The following NIM1K variants were observed in gnomAD, a reference collection of about 807,000 sequenced individuals.
NIM1K encodes the protein serine/threonine-protein kinase NIM1.
In NIM1K, 35 loss-of-function variants were observed where a neutral mutation model predicts 37.1. That is an observed-to-expected ratio of 0.94 (90% confidence interval 0.72 to 1.25). The LOEUF is 1.25. NIM1K is among the 50% of genes most tolerant of loss of function. The pLI, the probability that NIM1K is intolerant of heterozygous loss-of-function variation, is 0.00. For synonymous variants in NIM1K, 234 were observed against 206.6 expected, an observed-to-expected ratio of 1.13 and a Z score of -1.14; for missense variants, 564 against 548.0, an observed-to-expected ratio of 1.03 and a Z score of -0.29.
At chr5:43,258,638 C>T (rs1481530092) in intron 2 of NIM1K, among the ~76,000 whole-genome samples, 1 of 151,926 alleles carries the variant, frequency 6.6e-6, no homozygotes, top group Non-Finnish European at 1.5e-5. Flanking sequence ...ATATGGGGTC[C>T]TGCTATGTTG....
At chr5:43,215,608 A>G (rs1338940900) in intron 1 of NIM1K, among the ~76,000 whole-genome samples, 1 of 152,060 alleles carries the variant, frequency 6.6e-6, no homozygotes, top group Non-Finnish European at 1.5e-5. Flanking sequence ...TAATTTTTGT[A>G]TGTTTAGTAG....
At chr5:43,233,337 C>T (rs1752569850) in intron 1 of NIM1K, among the ~76,000 whole-genome samples, 1 of 151,090 alleles carries the variant, frequency 6.6e-6, no homozygotes, top group South Asian at 2.1e-4. Context: ...ACTTAACCTT[C>T]CTCTTGTCCC....
rs142460530 is a variant in NIM1K at position 43,205,358 on chromosome 5, T to A, written c.-695+12947T>A. Among the ~76,000 whole-genome samples the A allele has an allele frequency of 3.5e-3, 526 of 152,352 alleles. 3 individuals carry two copies. The highest frequency in any genetic ancestry group is 6.2e-3 in the Admixed American group (95 of 15,302). On this transcript the variant is annotated intron_variant, in intron 1 of 3. Transcript: ENST00000326035. ...TCACATAAGCATATGCAGCACAATGTCTGATGTACAGTAAGTGCTTAATAA... is the reference window on the plus strand; with the variant it reads ...TCACATAAGCATATGCAGCACAATGACTGATGTACAGTAAGTGCTTAATAA...
At chr5:43,247,140 C>T (rs1408318344) in intron 2 of NIM1K, among the ~76,000 whole-genome samples, 1 of 152,058 alleles carries the variant, frequency 6.6e-6, no homozygotes, top group African/African-American at 2.4e-5. Context: ...TGTTTGCATA[C>T]ATGTACCTCC....
chr5:43,240,833 G>T (rs1487858376), intron 1 of NIM1K, among the ~76,000 whole-genome samples: 4 of 151,730 alleles, frequency 2.6e-5, no homozygotes, highest in African/African-American at 9.7e-5. Flanking sequence ...CACCACAATC[G>T]GCCCTTTCTT....
chr5:43,213,197 C>T (rs908376079), intron 1 of NIM1K, among the ~76,000 whole-genome samples: 11 of 53,926 alleles, frequency 2.0e-4, no homozygotes, highest in African/African-American at 5.3e-4. Context: ...TTCTTTCTTT[C>T]TTTCTTTCTT....
chr5:43,263,345 T>G (rs1023953036), intron 2 of NIM1K, among the ~76,000 whole-genome samples: 1 of 152,204 alleles, frequency 6.6e-6, no homozygotes, highest in African/African-American at 2.4e-5. Flanking sequence ...TGGGAGGGTG[T>G]ATGTGTCCAG....
intron 1 of NIM1K, among the ~76,000 whole-genome samples, chr5:43,198,207 C>CTTTCTTCTTTCTTTCTT (rs1281355308): frequency 2.0e-5 from 1 of 48,872 alleles, no homozygotes; most frequent in African/African-American, 7.9e-5. Flanking sequence ...TTCTTTCTTT[C>CTTTCTTCTTTCTTTCTT]TCTTTCTTTC....
chr5:43,239,487 C>T (rs1752665908), intron 1 of NIM1K, among the ~76,000 whole-genome samples: 1 of 147,584 alleles, frequency 6.8e-6, no homozygotes, highest in African/African-American at 2.5e-5. Context: ...ATCCGCCTGC[C>T]TTGGCCTCCC....
In NIM1K at chr5:43,225,260, C is replaced by CAAAAAAAAA. The variant is rs10555794; in HGVS notation, c.-694-19800_-694-19792dup. 4.5e-4 allele frequency among the ~76,000 whole-genome samples: 33 copies of CAAAAAAAAA among 72,710 alleles called. 1 individual carries two copies. Among genetic ancestry groups the CAAAAAAAAA allele is most frequent in the Non-Finnish European group, 6.1e-4 (25 of 40,754 alleles). The allele number at this position is 72,710 out of a possible 152,430, so 47.7% of individuals were successfully genotyped here. On this transcript the variant is annotated intron_variant, in intron 1 of 3. Coordinates refer to ENST00000326035, the MANE Select transcript of NIM1K (RefSeq NM_153361.4). ...GGGCAACAGAAAGAGACCCTCTTTC[C>CAAAAAAAAA]AAAAAAAAAAAAAAAAAAAAAAAAA... is the stretch of plus-strand genomic sequence containing the variant.
intron 1 of NIM1K, among the ~76,000 whole-genome samples, chr5:43,198,133 TTCTTTCTTTCTTTCTTTC>T (rs1258182391): frequency 2.7e-5 from 1 of 37,286 alleles, no homozygotes; most frequent in African/African-American, 9.7e-5. Flanking sequence ...CCAATATGAT[TTCTTTCTTTCTTTCTTTC>T]TTTCTTTCTT....
intron 2 of NIM1K, among the ~76,000 whole-genome samples, chr5:43,270,121 G>A (rs1753233006): frequency 6.6e-6 from 1 of 152,140 alleles, no homozygotes; most frequent in Non-Finnish European, 1.5e-5. Flanking sequence ...ACTTAGTTTT[G>A]CTGGACACAA....
chr5:43,252,592 A>G (rs10066481), intron 2 of NIM1K, among the ~76,000 whole-genome samples: 10,434 of 151,288 alleles, frequency 0.069, 749 homozygotes, highest in African/African-American at 0.19. Context: ...AAAAAAATAA[A>G]GAAATACAAA....
At chr5:43,197,406 A>G (rs1490467638) in intron 1 of NIM1K, among the ~76,000 whole-genome samples, 2 of 152,064 alleles carry the variant, frequency 1.3e-5, no homozygotes, top group African/African-American at 4.8e-5. Flanking sequence ...TGGCCTCCCA[A>G]AGTGCTGGGA....
chr5:43,233,172 A>G (rs1752566987), intron 1 of NIM1K: 3 of 1,244,228 alleles, frequency 2.4e-6, no homozygotes, highest in South Asian at 2.4e-5. Context: ...GCGGTCACGC[A>G]TGATTACTGC....
chr5:43,263,193 TC>T (rs1753063362), intron 2 of NIM1K, among the ~76,000 whole-genome samples: 1 of 152,196 alleles, frequency 6.6e-6, no homozygotes, highest in South Asian at 2.1e-4. Flanking sequence ...TGGTACCAGC[TC>T]CTTTTGTACC....
intron 1 of NIM1K, among the ~76,000 whole-genome samples, chr5:43,202,182 T>A (rs373535020): frequency 5.2e-4 from 79 of 152,062 alleles, no homozygotes; most frequent in African/African-American, 1.8e-3. Context: ...CCCCCAATTT[T>A]TTTTTATTTT....
Position 43,280,468 on chromosome 5 carries a change from C to G in NIM1K, c.1050C>G (p.Leu350=). 6.2e-7 allele frequency: 1 copy of G among 1,614,142 alleles called. No individual in the cohort carries two copies. The highest frequency in any genetic ancestry group is 8.5e-7 in the Non-Finnish European group (1 of 1,180,020). ...AACATTTGTCGGAAACCAGCACTCTCAAGGAAGAAGAAAATGAGGTCAAAA... is the reference window on the plus strand; with the variant it reads ...AACATTTGTCGGAAACCAGCACTCTGAAGGAAGAAGAAAATGAGGTCAAAA... The part of the protein sequence containing the change: ...DPKHLSETST[L]KEEENEVKST... Residue 350 remains leucine, a synonymous_variant, in exon 4 of 4, where the codon CTC becomes CTG. Transcript: ENST00000326035.
intron 1 of NIM1K, among the ~76,000 whole-genome samples, chr5:43,221,026 A>G (rs980307509): frequency 1.3e-5 from 2 of 152,138 alleles, no homozygotes; most frequent in African/African-American, 4.8e-5. Context: ...TTGATACACA[A>G]ATGAATGAAT....
Sources: allele counts gnomAD v4.1 joint callset (sites outside exome capture counted in the v4.1 genomes callset), GRCh38; gene constraint gnomAD v4.1.1; transcripts MANE v1.5; gene names NCBI Gene and HGNC (gene_info 2026-07-23, HGNC 2026-07-21).